NPAS3: variants seen among roughly 807,000 people sequenced by gnomAD.
NPAS3 encodes neuronal PAS domain-containing protein 3.
A neutral mutation model predicts 73.1 loss-of-function variants in NPAS3; 14 were observed. The observed-to-expected ratio is 0.19, with a 90% CI of 0.13 to 0.30. The LOEUF is 0.30. Ranked by LOEUF, NPAS3 falls within the 10% of genes least tolerant of loss-of-function variation. NPAS3 has a pLI of 1.00. For synonymous variants in NPAS3, 620 were observed against 541.5 expected (o/e 1.14, Z -2.01); for missense variants, 1,096 against 1,250.0 (o/e 0.88, Z 1.86).
At chr14:33,164,752 TC>T (rs1292588734) in intron 2 of NPAS3, among the ~76,000 whole-genome samples, 1 of 152,124 alleles carries the variant, frequency 6.6e-6, no homozygotes, top group African/African-American at 2.4e-5. Context: ...TGGATAACTT[TC>T]CTGGGTACCC....
At position 33,728,699 on chromosome 14, in the gene NPAS3, A is replaced by G. The variant is rs557984004; in HGVS notation, c.734-6515A>G. Among the ~76,000 whole-genome samples the G allele has an allele frequency of 7.4e-4, 113 of 152,352 alleles. 1 individual carries two copies. The highest frequency in any genetic ancestry group is 2.5e-3 in the African/African-American group (106 of 41,590). On this transcript the variant is annotated intron_variant, in intron 6 of 11. Transcript: ENST00000356141. ...GAATTGCCCTGGCACATGGTAGAAG[A>G]CAGGCCAGTGGGATGAAAACCAACT...
intron 2 of NPAS3, among the ~76,000 whole-genome samples, chr14:33,079,830 T>C (rs2041808064): frequency 6.6e-6 from 1 of 151,794 alleles, no homozygotes; most frequent in South Asian, 2.1e-4. Flanking sequence ...CAGGCTGGTC[T>C]CAAATTCCTG....
chr14:33,411,074 A>G (rs1184243098), intron 4 of NPAS3, among the ~76,000 whole-genome samples: 1 of 152,218 alleles, frequency 6.6e-6, no homozygotes, highest in Admixed American at 6.5e-5. Flanking sequence ...TGTCAACTGT[A>G]GCATGCATCT....
At chr14:33,270,186 C>T (rs983602716) in intron 3 of NPAS3, among the ~76,000 whole-genome samples, 3 of 152,112 alleles carry the variant, frequency 2.0e-5, no homozygotes, top group Non-Finnish European at 4.4e-5. Context: ...CTAGTATAGC[C>T]TCCCAGACAT....
intron 4 of NPAS3, among the ~76,000 whole-genome samples, chr14:33,478,588 G>T (rs1285847347): frequency 6.6e-6 from 1 of 152,070 alleles, no homozygotes; most frequent in Non-Finnish European, 1.5e-5. Context: ...ATCATACCTG[G>T]AATTCTATTG....
At chr14:33,577,184 C>T (rs186469597) in intron 5 of NPAS3, among the ~76,000 whole-genome samples, 112 of 152,168 alleles carry the variant, frequency 7.4e-4, no homozygotes, top group African/African-American at 2.5e-3. Flanking sequence ...ACAACTTGAC[C>T]GAAGTGAAGC....
intron 6 of NPAS3, among the ~76,000 whole-genome samples, chr14:33,710,153 G>A (rs958739794): frequency 6.6e-6 from 1 of 152,188 alleles, no homozygotes; most frequent in African/African-American, 2.4e-5. Flanking sequence ...AACACAATGC[G>A]ACTTGATGTA....
chr14:33,024,505 A>G (rs2039731301), intron 1 of NPAS3, among the ~76,000 whole-genome samples: 1 of 152,114 alleles, frequency 6.6e-6, no homozygotes, highest in Admixed American at 6.6e-5. Flanking sequence ...ACATGTCTCC[A>G]TGTCTCTAGT....
chr14:33,702,929 A>C (rs1481943357), intron 6 of NPAS3, among the ~76,000 whole-genome samples: 1 of 152,208 alleles, frequency 6.6e-6, no homozygotes, highest in Admixed American at 6.5e-5. Flanking sequence ...GACAATTTCC[A>C]CTTAAGCTAG....
intron 2 of NPAS3, among the ~76,000 whole-genome samples, chr14:33,127,545 G>C (rs1307980191): frequency 6.6e-6 from 1 of 152,042 alleles, no homozygotes; most frequent in African/African-American, 2.4e-5. Context: ...CTCCAAACAA[G>C]CCATGCTGCA....
chr14:33,392,812 C>T (rs2047065339), intron 4 of NPAS3, among the ~76,000 whole-genome samples: 1 of 151,998 alleles, frequency 6.6e-6, no homozygotes. Flanking sequence ...CCTTCCTGTC[C>T]TCTCCCTCTT....
chr14:33,057,483 C>T (rs1348873477), intron 2 of NPAS3, among the ~76,000 whole-genome samples: 1 of 152,124 alleles, frequency 6.6e-6, no homozygotes, highest in African/African-American at 2.4e-5. Flanking sequence ...ACTGACCATT[C>T]AAATAAGTGC....
At chr14:33,766,378 C>T (rs780218123) in intron 7 of NPAS3, among the ~76,000 whole-genome samples, 6 of 152,148 alleles carry the variant, frequency 3.9e-5, no homozygotes, top group Non-Finnish European at 5.9e-5. Flanking sequence ...TCACTCTTCC[C>T]GCTCACCTCA....
At chr14:33,473,709 T>C (rs1330221475) in intron 4 of NPAS3, among the ~76,000 whole-genome samples, 1 of 152,192 alleles carries the variant, frequency 6.6e-6, no homozygotes, top group African/African-American at 2.4e-5. Flanking sequence ...GAAAGTTTTC[T>C]GGAAGGAGTG....
chr14:33,406,561 T>C (rs1164362957), intron 4 of NPAS3, among the ~76,000 whole-genome samples: 1 of 152,152 alleles, frequency 6.6e-6, no homozygotes, highest in Non-Finnish European at 1.5e-5. Flanking sequence ...CCAGCTGTTT[T>C]TCTTCAGCCA....
At chr14:33,434,476 G>A (rs1009890758) in intron 4 of NPAS3, among the ~76,000 whole-genome samples, 41 of 150,004 alleles carry the variant, frequency 2.7e-4, no homozygotes, top group Non-Finnish European at 2.5e-4. Flanking sequence ...GCAGTGAGCC[G>A]AGATCACACC....
intron 4 of NPAS3, among the ~76,000 whole-genome samples, chr14:33,479,032 C>A (rs2139685862): frequency 6.6e-6 from 1 of 152,176 alleles, no homozygotes; most frequent in African/African-American, 2.4e-5. Context: ...TCAATTCCGG[C>A]CAAATGATGC....
chr14:33,644,950 G>A (rs551042511), intron 5 of NPAS3, among the ~76,000 whole-genome samples: 26 of 151,792 alleles, frequency 1.7e-4, no homozygotes, highest in East Asian at 9.7e-4. Flanking sequence ...GTGTGGTGGC[G>A]GGCACCTGTA....
chr14:33,676,786 C>A (rs2059781261), intron 6 of NPAS3, among the ~76,000 whole-genome samples: 1 of 152,174 alleles, frequency 6.6e-6, no homozygotes, highest in Non-Finnish European at 1.5e-5. Context: ...TTAAAAGTAT[C>A]AGGGACTTGT....
Sources: gnomAD v4.1 joint callset for allele counts (sites outside exome capture counted in the v4.1 genomes callset) on GRCh38, gnomAD v4.1.1 for gene constraint, MANE v1.5 for transcripts, NCBI Gene and HGNC (gene_info 2026-07-23, HGNC 2026-07-21) for gene names.